FANCI: variants seen among roughly 807,000 people sequenced by gnomAD.
FANCI encodes Fanconi anemia group I protein.
Under a neutral mutation model 176.1 loss-of-function variants are expected in FANCI, and 156 were observed. The observed-to-expected ratio is 0.89, with a 90% CI of 0.78 to 1.01. The LOEUF (loss-of-function observed/expected upper bound fraction) is 1.01, where lower values mean the gene tolerates loss of function less well. Among genes scored for constraint, FANCI ranks in the 50% least tolerant of loss-of-function variants. The pLI is 0.00. For synonymous variants in FANCI, 613 were observed against 541.7 expected, an observed-to-expected ratio of 1.13 and a Z score of -1.83; for missense variants, 1,678 against 1,534.1, an observed-to-expected ratio of 1.09 and a Z score of -1.57.
intron 12 of FANCI, 147 bp from the exon 13 acceptor site, chr15:89,276,564 A>T: frequency 1.2e-6 from 1 of 818,792 alleles, no homozygotes; most frequent in Non-Finnish European, 2.0e-6. Context: ...GAATTCTGTC[A>T]GACGATGTGT....
At chr15:89,278,658 G>T in intron 13 of FANCI, 29 bp from the exon 14 acceptor site, 3 of 1,570,580 alleles carry the variant, frequency 1.9e-6, no homozygotes, top group South Asian at 1.1e-5. Context: ...GGTCACCCAG[G>T]AATATTTTAT....
At chr15:89,266,572 G>A (rs1430358327) in intron 9 of FANCI, among the ~76,000 whole-genome samples, 1 of 151,560 alleles carries the variant, frequency 6.6e-6, no homozygotes, top group Non-Finnish European at 1.5e-5. Flanking sequence ...CAAGTGATCC[G>A]CCTACCTTGG....
intron 31 of FANCI, 128 bp from the exon 32 acceptor site, chr15:89,305,879 C>T: frequency 1.9e-6 from 2 of 1,070,308 alleles, no homozygotes; most frequent in Non-Finnish European, 2.8e-6. Context: ...GATTAATTCA[C>T]TCTGCATATT....
At position 89,268,646 on chromosome 15, in the gene FANCI, G is replaced by A. The variant is rs140024727; in HGVS notation, c.882+121G>A. 7,474 of 1,248,274 alleles carry A rather than the reference G, an allele frequency of 6.0e-3. 42 individuals are homozygous for A. Among genetic ancestry groups the A allele is most frequent in the Non-Finnish European group, 7.5e-3 (6,620 of 887,426 alleles). 77.3% of individuals were successfully genotyped at this position (1,248,274 alleles called of 1,614,324 possible). On this transcript the variant is annotated intron_variant, in intron 10 of 37. Transcript: ENST00000310775. ...CTGTAAAATGACCCTGGGTGTGGAG[G>A]ATCTCTTTTTTTTTTTTTACTTTAA...
At chr15:89,297,087 G>A (rs866347397) in intron 24 of FANCI, among the ~76,000 whole-genome samples, 4,765 of 150,938 alleles carry the variant, frequency 0.032, 250 homozygotes, top group African/African-American at 0.11. Flanking sequence ...AGACGGGGTG[G>A]CTGCCGGGCG....
chr15:89,306,679 G>A (rs1399859760), intron 32 of FANCI, among the ~76,000 whole-genome samples: 1 of 151,936 alleles, frequency 6.6e-6, no homozygotes, highest in African/African-American at 2.4e-5. Context: ...GCAATAGAGT[G>A]AGACTCCATC....
chr15:89,286,810 C>A (rs1367778272), intron 18 of FANCI, among the ~76,000 whole-genome samples: 1 of 152,136 alleles, frequency 6.6e-6, no homozygotes, highest in Non-Finnish European at 1.5e-5. Flanking sequence ...TTGACTTCTC[C>A]TCCCTAGCTA....
chr15:89,247,854 A>G lies in FANCI; in HGVS notation c.84+123A>G, dbSNP rs1202231141. The G allele has an allele frequency of 9.4e-6, 7 of 748,172 alleles. No homozygotes were observed. The East Asian group carries it at 1.9e-4, about 20-fold the overall frequency. The allele number at this position is 748,172 out of a possible 1,614,324, so 46.3% of individuals were successfully genotyped here. ...CTACTCCCCATTCACTGTAGGAGAC[A>G]AGGATTTATTTAATAATAATTTATA... On this transcript the variant is annotated intron_variant, in intron 2 of 37. Coordinates refer to ENST00000310775, the MANE Select transcript of FANCI (RefSeq NM_001113378.2).
Position 89,308,750 on chromosome 15 carries a change from G to C in FANCI, c.3651+1078G>C, listed in dbSNP as rs138080173. On this transcript the variant is annotated intron_variant, in intron 34 of 37. Coordinates refer to ENST00000310775, the MANE Select transcript of FANCI (RefSeq NM_001113378.2). Reference sequence around the variant, plus strand: ...ACCTGAGGTCAGGACTTCAAGACCAGCCTGGCCAACATGGTGAAACCCCAT... The same window carrying C: ...ACCTGAGGTCAGGACTTCAAGACCACCCTGGCCAACATGGTGAAACCCCAT... Among the ~76,000 whole-genome samples, 679 of 152,168 alleles carry C rather than the reference G, an allele frequency of 4.5e-3. 3 individuals are homozygous for C. Among genetic ancestry groups the C allele is most frequent in the African/African-American group, 0.016 (649 of 41,510 alleles).
chr15:89,297,939 A>G (rs1162424875), intron 24 of FANCI, among the ~76,000 whole-genome samples: 2 of 151,984 alleles, frequency 1.3e-5, no homozygotes, highest in African/African-American at 4.8e-5. Context: ...ATGTTATGCT[A>G]TTATTGGGGA....
chr15:89,247,551 A>T, intron 1 of FANCI, 78 bp from the exon 2 acceptor site: 1 of 979,898 alleles, frequency 1.0e-6, no homozygotes, highest in Non-Finnish European at 1.7e-6. Context: ...TGAAATATTC[A>T]GTTAACAGGG....
At chr15:89,273,288 A>T in intron 10 of FANCI, 89 bp from the exon 11 acceptor site, 1 of 740,556 alleles carries the variant, frequency 1.4e-6, no homozygotes, top group Non-Finnish European at 2.3e-6. Flanking sequence ...TGGGCAACAG[A>T]GAGACCCAAT....
In FANCI at chr15:89,316,979, C is replaced by T. The variant is rs2055289208; in HGVS notation, c.*520C>T. The stretch of plus-strand genomic sequence containing the variant: ...CGGTAATGTTACATGTTAGGAGGGT[C>T]TGTTTTCTTTTTATATAAGTGTGTC... On this transcript the variant is annotated 3_prime_UTR_variant, in exon 38 of 38. Coordinates refer to ENST00000310775, the MANE Select transcript of FANCI (RefSeq NM_001113378.2). 1.5e-6 allele frequency: 1 copy of T among 678,852 alleles called. No homozygotes were observed. 42.1% of individuals were successfully genotyped at this position (678,852 alleles called of 1,614,324 possible).
intron 34 of FANCI, 108 bp downstream of exon 34, chr15:89,307,780 C>G (rs1046588504): frequency 1.2e-5 from 19 of 1,584,208 alleles, no homozygotes; most frequent in Admixed American, 3.6e-5. Flanking sequence ...TTTTTCCCTG[C>G]TTACCACAAG....
At chr15:89,280,065 A>T (rs989504521) in intron 14 of FANCI, among the ~76,000 whole-genome samples, 1 of 152,146 alleles carries the variant, frequency 6.6e-6, no homozygotes, top group Non-Finnish European at 1.5e-5. Context: ...TCTGTCACCC[A>T]GGCTGGAGGG....
intron 1 of FANCI, 46 bp from the exon 2 acceptor site, chr15:89,247,583 T>C: frequency 1.5e-6 from 2 of 1,353,276 alleles, no homozygotes; most frequent in Non-Finnish European, 2.1e-6. Flanking sequence ...ATCAAGTTTG[T>C]TTATTTCTGG....
chr15:89,258,443 G>T (rs1231752345), intron 2 of FANCI, among the ~76,000 whole-genome samples: 15 of 152,066 alleles, frequency 9.9e-5, no homozygotes, highest in Admixed American at 9.8e-4. Flanking sequence ...AAAAGTATTT[G>T]TTGGATGAAT....
At chr15:89,294,027 GC>G in intron 23 of FANCI, 30 bp downstream of exon 23, 1 of 1,613,128 alleles carries the variant, frequency 6.2e-7, no homozygotes, top group Non-Finnish European at 8.5e-7. Context: ...CTTAAAGACA[GC>G]CACTCCCTGA....
intron 6 of FANCI, among the ~76,000 whole-genome samples, 173 bp from the exon 7 acceptor site, chr15:89,263,246 C>T (rs964043145): frequency 6.6e-6 from 1 of 151,958 alleles, no homozygotes; most frequent in Admixed American, 6.6e-5. Flanking sequence ...TTTTGCGAGT[C>T]GGGTAGGTTA....
Sources: gnomAD v4.1 joint callset for allele counts (sites outside exome capture counted in the v4.1 genomes callset) on GRCh38, gnomAD v4.1.1 for gene constraint, MANE v1.5 for transcripts, NCBI Gene and HGNC (gene_info 2026-07-23, HGNC 2026-07-21) for gene names.